MPV17L: variants seen among roughly 807,000 people sequenced by gnomAD.
MPV17L encodes MPV17 mitochondrial inner membrane protein like.
A neutral mutation model predicts 25.8 loss-of-function variants in MPV17L; 24 were observed. That is an observed-to-expected ratio of 0.93 (90% CI 0.67 to 1.31). The LOEUF (loss-of-function observed/expected upper bound fraction) is 1.31, where lower values mean the gene tolerates loss of function less well. Among genes scored for constraint, MPV17L ranks in the 50% most tolerant of loss-of-function variants. MPV17L has a pLI of 0.00. For missense variants in MPV17L, 250 were observed against 265.6 expected (o/e 0.94, Z 0.41); for synonymous variants, 102 against 115.3 (o/e 0.88, Z 0.74).
chr16:15,399,490 C>G (rs1487699518), intron 1 of MPV17L: 2 of 440,912 alleles, frequency 4.5e-6, no homozygotes, highest in Non-Finnish European at 9.1e-6. Context: ...ATTGCAGCCT[C>G]GACCTCCTGG....
At chr16:15,400,934 T>A (rs1295803747) in intron 2 of MPV17L, 77 bp downstream of exon 2, 2 of 937,844 alleles carry the variant, frequency 2.1e-6, no homozygotes, top group Non-Finnish European at 2.9e-6. Context: ...AAATATATGT[T>A]TTGTGTTTAT....
Position 15,408,601 on chromosome 16 carries a change from C to CTT in MPV17L, c.*509_*510dup, listed in dbSNP as rs4013478. The CTT allele has an allele frequency of 0.09, 9,615 of 106,384 alleles. 888 individuals are homozygous for CTT. The highest frequency in any genetic ancestry group is 0.15 in the Admixed American group (1,102 of 7,394). The allele number at this position is 106,384 out of a possible 1,614,324, so 6.6% of individuals were successfully genotyped here. ...CACAATTTGTTATTTTAGTAAATACCTTTTTTTTTTTTTTTTTTTTTGTGG... is the reference window on the plus strand; with the variant it reads ...CACAATTTGTTATTTTAGTAAATACCTTTTTTTTTTTTTTTTTTTTTTTGTGG... On this transcript the variant is annotated 3_prime_UTR_variant, in exon 4 of 4. Transcript: ENST00000396385.
chr16:15,397,022 T>A (rs2050592648), intron 1 of MPV17L, among the ~76,000 whole-genome samples: 1 of 151,816 alleles, frequency 6.6e-6, no homozygotes, highest in African/African-American at 2.4e-5. Context: ...AATACCGGGG[T>A]TCATTCCCTT....
In MPV17L at chr16:15,405,684, T is replaced by C. The variant is rs563738345; in HGVS notation, c.382-2140T>C. Among the ~76,000 whole-genome samples, 139 of 151,372 alleles carry C rather than the reference T, an allele frequency of 9.2e-4. 1 individual carries two copies. The highest frequency in any genetic ancestry group is 3.2e-3 in the African/African-American group (133 of 41,366). ...CTGGTCTCAAACTCACGACTTCAGG[T>C]GATCTGCCTGCCTTGGCCTCCCAAA... On this transcript the variant is annotated intron_variant, in intron 2 of 3. Transcript: ENST00000396385.
rs774923853 is a variant in MPV17L at position 15,396,146 on chromosome 16, G to C, written c.249G>C (p.Leu83=). The change falls in exon 1 of 4, where the codon CTG becomes CTC. Residue 83 remains leucine (L), a synonymous_variant. Coordinates refer to ENST00000396385, the MANE Select transcript of MPV17L (RefSeq NM_001128423.2). ...ALPGRAPHAL[L]AKLLCDQVVG... ...CGGGCCGAGCGCCGCACGCCCTGCTGGCCAAGTTGCTGTGCGACCAGGTGG... is the reference window on the plus strand; with the variant it reads ...CGGGCCGAGCGCCGCACGCCCTGCTCGCCAAGTTGCTGTGCGACCAGGTGG... 9 of 1,549,562 alleles carry C rather than the reference G, an allele frequency of 5.8e-6. No individual in the cohort carries two copies. The African/African-American group carries it at 1.1e-4, about 19-fold the overall frequency.
chr16:15,401,087 T>TATATATA (rs376853780), intron 2 of MPV17L, among the ~76,000 whole-genome samples: 68 of 17,710 alleles, frequency 3.8e-3, no homozygotes, highest in South Asian at 0.028. Context: ...TATATATATA[T>TATATATA]TTTTTTTTTT....
chr16:15,407,678 G>A, intron 2 of MPV17L, 146 bp from the exon 3 acceptor site: 1 of 704,412 alleles, frequency 1.4e-6, no homozygotes, highest in Non-Finnish European at 2.3e-6. Context: ...GGAGGCAGAG[G>A]TTGCGGTGAG....
At position 15,395,867 on chromosome 16, in the gene MPV17L, G is replaced by T; in HGVS notation, c.-31G>T. ...GTGCAGGAAGACGCCGACCACGCGG[G>T]CTCCTGATCGCGGGCGCCCACAGCG... is the stretch of plus-strand genomic sequence containing the variant. On this transcript the variant is annotated 5_prime_UTR_variant, in exon 1 of 4. Transcript: ENST00000396385. 1 of 1,379,490 alleles carries T rather than the reference G, an allele frequency of 7.2e-7. No individual in the cohort carries two copies. The highest frequency in any genetic ancestry group is 3.0e-5 in the East Asian group (1 of 32,962). The allele number at this position is 1,379,490 out of a possible 1,614,324, so 85.5% of individuals were successfully genotyped here. A position where few individuals can be genotyped will look rare whatever the true frequency, so the allele number is the denominator to read the frequency against.
At chr16:15,402,563 T>TAGA (rs2050647053) in intron 2 of MPV17L, among the ~76,000 whole-genome samples, 1 of 54,584 alleles carries the variant, frequency 1.8e-5, no homozygotes, top group African/African-American at 4.4e-5. Flanking sequence ...GAACAGTAAC[T>TAGA]ATAAGTGTGT....
At position 15,408,284 on chromosome 16, in the gene MPV17L, CT is replaced by C; in HGVS notation, c.*178del. On this transcript the variant is annotated 3_prime_UTR_variant, in exon 4 of 4. Transcript: ENST00000396385. ...TGATTATTTTTGAATTGTATTCAGA[CT>C]TTTTTCCTGTTCTAGTCTGAAATAT... The C allele has an allele frequency of 1.8e-6, 1 of 552,218 alleles. No homozygotes were observed. The highest frequency in any genetic ancestry group is 3.2e-6 in the Non-Finnish European group (1 of 315,584). The allele number at this position is 552,218 out of a possible 1,614,324, so 34.2% of individuals were successfully genotyped here. A position where few individuals can be genotyped will look rare whatever the true frequency, so the allele number is the denominator to read the frequency against.
chr16:15,407,929 C>G lies in MPV17L; in HGVS notation c.412-4C>G, dbSNP rs201355880. 2.5e-6 allele frequency: 4 copies of G among 1,613,554 alleles called. No homozygotes were observed. The African/African-American group carries it at 5.4e-5, about 22-fold the overall frequency. ...GGCCCTAACGGACTCTCTCTCTGTTCCAGCTGACCAACTTCAGCCTTGTTC... is the reference window on the plus strand; with the variant it reads ...GGCCCTAACGGACTCTCTCTCTGTTGCAGCTGACCAACTTCAGCCTTGTTC... On this transcript the variant is annotated splice_region_variant and splice_polypyrimidine_tract_variant and intron_variant, in intron 3 of 3. Transcript: ENST00000396385.
chr16:15,395,787 A>G lies in MPV17L; in HGVS notation c.-111A>G. 1.0e-6 allele frequency: 1 copy of G among 986,192 alleles called. No homozygotes were observed. Among genetic ancestry groups the G allele is most frequent in the Non-Finnish European group, 1.4e-6 (1 of 730,394 alleles). The allele number at this position is 986,192 out of a possible 1,614,324, so 61.1% of individuals were successfully genotyped here. A position where few individuals can be genotyped will look rare whatever the true frequency, so the allele number is the denominator to read the frequency against. ...CGGAGCTTCTGGAGGGGGCAGATGC[A>G]GGTGCCGGCTGCTGCAGTGCAGTAG... On this transcript the variant is annotated 5_prime_UTR_variant, in exon 1 of 4. Transcript: ENST00000396385.
chr16:15,403,484 G>A (rs1165701293), intron 2 of MPV17L, among the ~76,000 whole-genome samples: 4 of 151,352 alleles, frequency 2.6e-5, no homozygotes, highest in African/African-American at 9.7e-5. Context: ...ACCAGCCTGC[G>A]CAACCATAGT....
rs1232432768 is a variant in MPV17L at position 15,396,247 on chromosome 16, A to G, written c.310+40A>G. The G allele has an allele frequency of 3.9e-6, 6 of 1,533,674 alleles. No individual in the cohort carries two copies. The South Asian group carries it at 6.0e-5, about 15-fold the overall frequency. ...GGGGACCTGGGGGGTGGGACCCAGT[A>G]TTGGGGGACTGGAGGCTGGGACTCG... On this transcript the variant is annotated intron_variant, in intron 1 of 3. Transcript: ENST00000396385.
Position 15,395,996 on chromosome 16 carries a change from G to A in MPV17L, c.99G>A (p.Ala33=), listed in dbSNP as rs776333426. Residue 33 remains alanine, a synonymous_variant, in exon 1 of 4, where the codon GCG becomes GCA. Coordinates refer to ENST00000396385, the MANE Select transcript of MPV17L (RefSeq NM_001128423.2). ...GCTCGCTCGTCTCGGCCGGGGACGC[G>A]CTGCAACAGCGGCTGCAGGGCCGCG... ...LYGSLVSAGD[A]LQQRLQGREA... 14 of 1,515,388 alleles carry A rather than the reference G, an allele frequency of 9.2e-6. No individual in the cohort carries two copies. The highest frequency in any genetic ancestry group is 1.2e-5 in the Non-Finnish European group (14 of 1,138,724). The allele number at this position is 1,515,388 out of a possible 1,614,324, so 93.9% of individuals were successfully genotyped here. A position where few individuals can be genotyped will look rare whatever the true frequency, so the allele number is the denominator to read the frequency against.
chr16:15,401,256 G>A (rs1336512916), intron 2 of MPV17L, among the ~76,000 whole-genome samples: 1 of 151,096 alleles, frequency 6.6e-6, no homozygotes, highest in Non-Finnish European at 1.5e-5. Flanking sequence ...GAGACTACAG[G>A]CATGTGCCAC....
chr16:15,406,049 C>T (rs2050677843), intron 2 of MPV17L, among the ~76,000 whole-genome samples: 1 of 151,874 alleles, frequency 6.6e-6, no homozygotes, highest in Non-Finnish European at 1.5e-5. Context: ...TTTAGCCAGG[C>T]ATGGTCGTGT....
chr16:15,412,727 C>T lies in MPV17L; in HGVS notation c.*4615C>T, dbSNP rs1365719512. Reference sequence around the variant, plus strand: ...AGCAGGGACTAAAGGCGCCCGCCACCATGACCCACTAATTTTTTTTTTTTT... The same window carrying T: ...AGCAGGGACTAAAGGCGCCCGCCACTATGACCCACTAATTTTTTTTTTTTT... On this transcript the variant is annotated 3_prime_UTR_variant, in exon 4 of 4. Transcript: ENST00000396385. 1 of 144,378 alleles carries T rather than the reference C, an allele frequency of 6.9e-6. No individual in the cohort carries two copies. Among genetic ancestry groups the T allele is most frequent in the Non-Finnish European group, 1.5e-5 (1 of 65,928 alleles). 8.9% of individuals were successfully genotyped at this position (144,378 alleles called of 1,614,324 possible).
chr16:15,399,354 AC>A, intron 1 of MPV17L: 1 of 452,454 alleles, frequency 2.2e-6, no homozygotes, highest in Non-Finnish European at 4.4e-6. Context: ...CAGTTTTACA[AC>A]CTTCCTAAAA....
Sources: gnomAD v4.1 joint callset for allele counts (sites outside exome capture counted in the v4.1 genomes callset) on GRCh38, gnomAD v4.1.1 for gene constraint, MANE v1.5 for transcripts, NCBI Gene and HGNC (gene_info 2026-07-23, HGNC 2026-07-21) for gene names.